LRRC9: variants seen among roughly 807,000 people sequenced by gnomAD.
LRRC9 encodes the protein leucine rich repeat containing 9.
A neutral mutation model predicts 63.2 loss-of-function variants in LRRC9; 122 were observed. The ratio of observed to expected loss-of-function variants is 1.93; its 90% CI spans 1.67 to 2.24. LRRC9 has a LOEUF of 2.24. Ranked by LOEUF, LRRC9 falls within the 30% of genes most tolerant of loss-of-function variation. The pLI, the probability that LRRC9 is intolerant of heterozygous loss-of-function variation, is 0.00. For missense variants in LRRC9, 1,071 were observed against 627.7 expected, an observed-to-expected ratio of 1.71 and a Z score of -7.55; for synonymous variants, 366 against 213.1, an observed-to-expected ratio of 1.72 and a Z score of -6.25.
intron 31 of LRRC9, 82 bp from the exon 32 acceptor site, chr14:60,061,929 A>G (rs2140475633): frequency 2.5e-6 from 1 of 397,218 alleles, no homozygotes; most frequent in South Asian, 1.4e-4. Flanking sequence ...CAACCAAACT[A>G]TATTGCTTAA....
At chr14:59,921,856 CG>C (rs951636459) in intron 1 of LRRC9, among the ~76,000 whole-genome samples, 11 of 151,162 alleles carry the variant, frequency 7.3e-5, no homozygotes, top group African/African-American at 1.9e-4. Context: ...GAAGCCGAGG[CG>C]GGTGGATCAC....
intron 13 of LRRC9, among the ~76,000 whole-genome samples, chr14:59,975,461 A>G (rs1452946135): frequency 1.3e-5 from 2 of 151,994 alleles, no homozygotes; most frequent in Admixed American, 6.6e-5. Context: ...ATGTAGAAAT[A>G]TAAGTACACA....
Position 60,017,783 on chromosome 14 carries a change from T to C in LRRC9, c.3318-588T>C, listed in dbSNP as rs1890809528. On this transcript the variant is annotated intron_variant, in intron 24 of 31. Transcript: ENST00000445360. This position sits in a 1 kb window ranked among gnomAD's most constrained non-coding sequence, Gnocchi z 4.0. ...TGTAGTTTTATGCTCTTCTCTGTCA[T>C]GGCTCAAATGAAGATATAGCTATAG... Among the ~76,000 whole-genome samples, 1 of 152,150 alleles carries C rather than the reference T, an allele frequency of 6.6e-6. No individual in the cohort carries two copies.
intron 12 of LRRC9, among the ~76,000 whole-genome samples, chr14:59,970,415 A>G (rs1281798064): frequency 1.3e-5 from 2 of 152,192 alleles, no homozygotes; most frequent in African/African-American, 4.8e-5. Flanking sequence ...TCTTTATGAT[A>G]GAACGATTTA....
rs1893863556 is a variant in LRRC9 at position 60,051,251 on chromosome 14, G to A, written c.3991-1814G>A. ...GAGTTCCATCCCAGGGAGAGATCAG[G>A]GTTCAGTGCATATAAGACTGGCTGG... On this transcript the variant is annotated intron_variant, in intron 29 of 31. Coordinates refer to ENST00000445360, the Ensembl canonical transcript of LRRC9. This position sits in a 1 kb window ranked among gnomAD's most constrained non-coding sequence, Gnocchi z 4.7. Among the ~76,000 whole-genome samples, 3 of 152,210 alleles carry A rather than the reference G, an allele frequency of 2.0e-5. No homozygotes were observed. Among genetic ancestry groups the A allele is most frequent in the African/African-American group, 7.2e-5 (3 of 41,464 alleles).
chr14:59,943,349 T>G (rs1179009731), intron 7 of LRRC9, among the ~76,000 whole-genome samples: 2 of 152,132 alleles, frequency 1.3e-5, no homozygotes, highest in East Asian at 3.8e-4. Context: ...GGGGTCTAGT[T>G]TCATTCTTCT....
chr14:60,037,641 G>C (rs1462713498), intron 29 of LRRC9, among the ~76,000 whole-genome samples: 1 of 151,912 alleles, frequency 6.6e-6, no homozygotes, highest in Non-Finnish European at 1.5e-5. Flanking sequence ...AATTTGTTTA[G>C]GTTCTTTGTA....
rs572221840 is a variant in LRRC9, at chr14:59,934,696, C to T, written c.543+2657C>T. The stretch of plus-strand genomic sequence containing the variant: ...TGCACACATGTGTATCTTTCCCCTT[C>T]TAGTTCTGCCAGCTTAAGATACTAC... On this transcript the variant is annotated intron_variant, in intron 6 of 31. Coordinates refer to ENST00000445360, the Ensembl canonical transcript of LRRC9. Among the ~76,000 whole-genome samples, 4 of 152,278 alleles carry T rather than the reference C, an allele frequency of 2.6e-5. No homozygotes were observed. In the South Asian group the frequency reaches 8.3e-4, roughly 32 times the overall value.
Position 60,060,690 on chromosome 14 carries a change from G to A in LRRC9, c.4277-2633G>A, listed in dbSNP as rs1297863196. Among the ~76,000 whole-genome samples, 4 of 152,252 alleles carry A rather than the reference G, an allele frequency of 2.6e-5. No individual in the cohort carries two copies. The highest frequency in any genetic ancestry group is 3.9e-4 in the East Asian group (2 of 5,190). On this transcript the variant is annotated intron_variant, in intron 31 of 31. Transcript: ENST00000445360. The surrounding 1 kb of genome is among the most constrained non-coding windows in gnomAD (Gnocchi z 4.0). ...TGGGAGGCGGAGCTTGCAGTGAACC[G>A]AGATCGCGCCACTGCTCTCCAGCCT... is the stretch of plus-strand genomic sequence containing the variant.
At position 59,974,711 on chromosome 14, in the gene LRRC9, A is replaced by G. The variant is rs1323822110; in HGVS notation, c.1639+3A>G. 6 of 639,694 alleles carry G rather than the reference A, an allele frequency of 9.4e-6. No individual in the cohort carries two copies. The South Asian group carries it at 1.1e-4, about 11-fold the overall frequency. 39.6% of individuals were successfully genotyped at this position (639,694 alleles called of 1,614,324 possible). A position where few individuals can be genotyped will look rare whatever the true frequency, so the allele number is the denominator to read the frequency against. On this transcript the variant is annotated splice_donor_region_variant and intron_variant, in intron 13 of 31. Coordinates refer to ENST00000445360, the Ensembl canonical transcript of LRRC9. ...TAAGCATGAGCTCTTCAGACATGGT[A>G]AATACAAATATGCCATGTTTCTGAA...
chr14:60,029,594 AC>A (rs1273255886), intron 28 of LRRC9, among the ~76,000 whole-genome samples: 1 of 152,076 alleles, frequency 6.6e-6, no homozygotes, highest in Non-Finnish European at 1.5e-5. Context: ...ATGTCCAGTT[AC>A]CAGATTAGAC....
chr14:59,967,157 A>G (rs1192630614), exon 12 of LRRC9: 3 of 648,170 alleles, frequency 4.6e-6, no homozygotes, highest in East Asian at 2.7e-5. Flanking sequence ...TTCAGTGAAG[A>G]AAAAGCATCT....
intron 8 of LRRC9, among the ~76,000 whole-genome samples, chr14:59,956,069 G>A (rs183827943): frequency 2.0e-5 from 3 of 152,002 alleles, no homozygotes; most frequent in Admixed American, 6.6e-5. Flanking sequence ...TTATGTGGTC[G>A]ATTTTAGAAT....
rs145948687 is a variant in LRRC9 at position 60,056,425 on chromosome 14, G to A, written c.4132-1453G>A. Among the ~76,000 whole-genome samples, 99 of 151,994 alleles carry A rather than the reference G, an allele frequency of 6.5e-4. 4 individuals carry two copies. The Middle Eastern group carries it at 0.02, about 31-fold the overall frequency. ...TTGGTTTAATTAAGCATTTAATTTG[G>A]CATAACTCAAAATTCAACCAATAAT... is the stretch of plus-strand genomic sequence containing the variant. On this transcript the variant is annotated intron_variant, in intron 30 of 31. Coordinates refer to ENST00000445360, the Ensembl canonical transcript of LRRC9.
At chr14:59,974,734 G>T in intron 13 of LRRC9, 26 bp downstream of exon 13, 1 of 610,958 alleles carries the variant, frequency 1.6e-6, no homozygotes, top group Admixed American at 3.0e-5. Flanking sequence ...CCATGTTTCT[G>T]AACTTTTAAG....
chr14:59,953,025 A>G (rs144910258), intron 8 of LRRC9, among the ~76,000 whole-genome samples: 1 of 152,318 alleles, frequency 6.6e-6, no homozygotes, highest in Non-Finnish European at 1.5e-5. Context: ...TCCATGGTGT[A>G]TATGTGCCAC....
rs908547698 is a variant in LRRC9, at chr14:60,051,257, G to C, written c.3991-1808G>C. ...CATCCCAGGGAGAGATCAGGGTTCA[G>C]TGCATATAAGACTGGCTGGAGTGAC... On this transcript the variant is annotated intron_variant, in intron 29 of 31. Transcript: ENST00000445360. This position sits in a 1 kb window ranked among gnomAD's most constrained non-coding sequence, Gnocchi z 4.7. Among the ~76,000 whole-genome samples the C allele has an allele frequency of 5.9e-5, 9 of 152,348 alleles. No individual in the cohort carries two copies. Among genetic ancestry groups the C allele is most frequent in the Admixed American group, 5.2e-4 (8 of 15,308 alleles).
At chr14:59,939,468 T>G (rs920232960) in intron 7 of LRRC9, among the ~76,000 whole-genome samples, 1 of 151,920 alleles carries the variant, frequency 6.6e-6, no homozygotes, top group East Asian at 1.9e-4. Context: ...TTTTGAATAA[T>G]GGATTAAGAA....
chr14:59,920,119 G>C (rs1029765044), intron 1 of LRRC9, 25 bp from the exon 1 acceptor site: 4 of 152,112 alleles, frequency 2.6e-5, no homozygotes, highest in African/African-American at 9.7e-5. Flanking sequence ...GCGGAGATCA[G>C]GTTACCTAGG....
Sources: gnomAD v4.1 joint callset for allele counts (sites outside exome capture counted in the v4.1 genomes callset) on GRCh38, gnomAD v4.1.1 for gene constraint, Gnocchi (gnomAD v3.1) non-coding constraint, MANE v1.5 for transcripts, NCBI Gene and HGNC (gene_info 2026-07-23, HGNC 2026-07-21) for gene names.